Variants in TNFSF13B observed in about 807,000 individuals in gnomAD.
TNFSF13B encodes TNF superfamily member 13b.
A neutral mutation model predicts 29.1 loss-of-function variants in TNFSF13B; 8 were observed. That is an observed-to-expected ratio of 0.27 (90% CI 0.16 to 0.50). TNFSF13B has a LOEUF of 0.50. TNFSF13B is among the 20% of genes least tolerant of loss of function. The probability of loss-of-function intolerance (pLI) is 0.98; values close to 1 mark genes in which losing one functional copy is unlikely to be tolerated. For missense variants in TNFSF13B, 248 were observed against 334.9 expected, an observed-to-expected ratio of 0.74 and a Z score of 2.03; for synonymous variants, 125 against 130.8, an observed-to-expected ratio of 0.96 and a Z score of 0.30.
chr13:108,282,008 C>T (rs140023945), intron 2 of TNFSF13B, among the ~76,000 whole-genome samples: 67 of 152,078 alleles, frequency 4.4e-4, no homozygotes, highest in African/African-American at 1.5e-3. Context: ...TCATAACTTA[C>T]GTTTACCAAA....
chr13:108,284,094 G>GC lies in TNFSF13B; in HGVS notation c.425-2708dup, dbSNP rs373776085. ...GTCTGTAATCCCAGCACTTTGGGAG[G>GC]CGAGGTGGGCGGTTCACGAGGTCAG... On this transcript the variant is annotated intron_variant, in intron 2 of 5. Transcript: ENST00000375887. Among the ~76,000 whole-genome samples the GC allele has an allele frequency of 3.5e-4, 53 of 152,262 alleles. No homozygotes were observed. In the East Asian group the frequency reaches 7.9e-3, roughly 23 times the overall value.
In TNFSF13B at chr13:108,303,504, G is replaced by C; in HGVS notation, c.645G>C (p.Lys215Asn). Residue 215 changes from lysine to asparagine, a missense_variant, in exon 5 of 6, where the codon AAG (lysine) becomes AAC (asparagine). Coordinates refer to ENST00000375887, the MANE Select transcript of TNFSF13B (RefSeq NM_006573.5). Reference sequence around the variant, plus strand: ...CCATGGGACATCTAATTCAGAGGAAGAAGGTCCATGTCTTTGGGGATGAAT... The same window carrying C: ...CCATGGGACATCTAATTCAGAGGAACAAGGTCCATGTCTTTGGGGATGAAT... ...TYAMGHLIQR[K>N]KVHVFGDELS... 1.2e-6 allele frequency: 2 copies of C among 1,613,802 alleles called. No homozygotes were observed. The highest frequency in any genetic ancestry group is 1.7e-6 in the Non-Finnish European group (2 of 1,179,822).
At chr13:108,295,277 C>G (rs1000339960) in intron 3 of TNFSF13B, among the ~76,000 whole-genome samples, 1 of 145,032 alleles carries the variant, frequency 6.9e-6, no homozygotes, top group African/African-American at 2.6e-5. Context: ...CAGGTTCAGG[C>G]GATTCTCCTG....
intron 2 of TNFSF13B, among the ~76,000 whole-genome samples, chr13:108,278,695 T>TGC (rs1880844479): frequency 1.4e-5 from 1 of 72,164 alleles, no homozygotes; most frequent in African/African-American, 5.0e-5. Flanking sequence ...CCTCCTCCTC[T>TGC]TCCTCCTCCT....
At chr13:108,270,528 A>G in intron 2 of TNFSF13B, 104 bp downstream of exon 2, 1 of 1,115,794 alleles carries the variant, frequency 9.0e-7, no homozygotes. Flanking sequence ...TATTAAATAG[A>G]GACTATGAAA....
chr13:108,272,609 T>C (rs1386647856), intron 2 of TNFSF13B, among the ~76,000 whole-genome samples: 1 of 152,110 alleles, frequency 6.6e-6, no homozygotes, highest in East Asian at 1.9e-4. Context: ...TAAATAGTTC[T>C]TTTTAACTCC....
intron 2 of TNFSF13B, among the ~76,000 whole-genome samples, chr13:108,281,209 C>G (rs1880944402): frequency 6.6e-6 from 1 of 152,032 alleles, no homozygotes; most frequent in Admixed American, 6.5e-5. Flanking sequence ...CCATTGCACT[C>G]CAGCCTGGGC....
chr13:108,285,153 AG>A (rs1373261390), intron 2 of TNFSF13B, among the ~76,000 whole-genome samples: 1 of 152,200 alleles, frequency 6.6e-6, no homozygotes, highest in Admixed American at 6.5e-5. Context: ...GTGTTAGAAA[AG>A]CTTTATAGTT....
chr13:108,302,844 A>T, intron 3 of TNFSF13B: 2 of 986,856 alleles, frequency 2.0e-6, no homozygotes, highest in Non-Finnish European at 2.4e-6. Context: ...ATTTTGCCAA[A>T]CTCTTCAGAT....
intron 2 of TNFSF13B, among the ~76,000 whole-genome samples, chr13:108,275,736 A>G (rs1880744834): frequency 6.6e-6 from 1 of 152,114 alleles, no homozygotes; most frequent in South Asian, 2.1e-4. Context: ...CAGCTTCCCT[A>G]ATACTAACAT....
chr13:108,291,565 A>G (rs1881314078), intron 3 of TNFSF13B, among the ~76,000 whole-genome samples: 1 of 151,862 alleles, frequency 6.6e-6, no homozygotes, highest in African/African-American at 2.4e-5. Flanking sequence ...CTTGAATTCC[A>G]TGATATATCT....
chr13:108,296,663 TTATAAG>T (rs1407984847), intron 3 of TNFSF13B, among the ~76,000 whole-genome samples: 1 of 146,136 alleles, frequency 6.8e-6, no homozygotes, highest in Non-Finnish European at 1.5e-5. Flanking sequence ...GTTTGTTCTT[TTATAAG>T]TTTTGTTCCT....
At position 108,303,614 on chromosome 13, in the gene TNFSF13B, A is replaced by G; in HGVS notation, c.745+10A>G. 6.2e-7 allele frequency: 1 copy of G among 1,609,422 alleles called. No individual in the cohort carries two copies. The highest frequency in any genetic ancestry group is 8.5e-7 in the Non-Finnish European group (1 of 1,178,198). Reference sequence around the variant, plus strand: ...TCCTGCTATTCAGCTGGTAAATATTAGTTCTCACACCCTGCTAATTGTGAA... The same window carrying G: ...TCCTGCTATTCAGCTGGTAAATATTGGTTCTCACACCCTGCTAATTGTGAA... On this transcript the variant is annotated intron_variant, in intron 5 of 5. Transcript: ENST00000375887.
Position 108,298,351 on chromosome 13 carries a change from A to G in TNFSF13B, c.482-4902A>G, listed in dbSNP as rs533302564. Among the ~76,000 whole-genome samples, 10 of 145,868 alleles carry G rather than the reference A, an allele frequency of 6.9e-5. 3 individuals carry two copies. Among genetic ancestry groups the G allele is most frequent in the African/African-American group, 2.1e-4 (8 of 38,856 alleles). On this transcript the variant is annotated intron_variant, in intron 3 of 5. Transcript: ENST00000375887. Reference sequence around the variant, plus strand: ...CCCCCAGGATACATTAAACTGATGAACATATGCATTATGAGAGTCACAGAA... The same window carrying G: ...CCCCCAGGATACATTAAACTGATGAGCATATGCATTATGAGAGTCACAGAA...
At chr13:108,276,988 T>A (rs1168675561) in intron 2 of TNFSF13B, among the ~76,000 whole-genome samples, 1 of 152,106 alleles carries the variant, frequency 6.6e-6, no homozygotes, top group African/African-American at 2.4e-5. Context: ...TTCTGAAGAG[T>A]TAGAGAAACA....
At chr13:108,295,909 A>G (rs1426418336) in intron 3 of TNFSF13B, among the ~76,000 whole-genome samples, 1 of 146,418 alleles carries the variant, frequency 6.8e-6, no homozygotes, top group Non-Finnish European at 1.5e-5. Context: ...ATTGAAAAAC[A>G]TAAACAGGTT....
chr13:108,293,836 T>G (rs1881390852), intron 3 of TNFSF13B, among the ~76,000 whole-genome samples: 1 of 152,212 alleles, frequency 6.6e-6, no homozygotes, highest in South Asian at 2.1e-4. Context: ...CATTGTGTTT[T>G]CACATGGCTG....
At chr13:108,299,820 A>G (rs1233702541) in intron 3 of TNFSF13B, among the ~76,000 whole-genome samples, 1 of 152,104 alleles carries the variant, frequency 6.6e-6, no homozygotes, top group African/African-American at 2.4e-5. Flanking sequence ...ATATATAAAA[A>G]TAAGTAAACA....
chr13:108,272,432 G>A (rs1291261893), intron 2 of TNFSF13B, among the ~76,000 whole-genome samples: 1 of 151,946 alleles, frequency 6.6e-6, no homozygotes, highest in African/African-American at 2.4e-5. Context: ...ATTTGTTCAT[G>A]TTTTCTTAAG....
Sources: allele counts gnomAD v4.1 joint callset (sites outside exome capture counted in the v4.1 genomes callset), GRCh38; gene constraint gnomAD v4.1.1; transcripts MANE v1.5; gene names NCBI Gene and HGNC (gene_info 2026-07-23, HGNC 2026-07-21).